Variants in CPQ observed in about 807,000 individuals in gnomAD.
The protein encoded by CPQ is Ser-Met dipeptidase.
CPQ carries 37 observed loss-of-function variants against 45.7 expected under a neutral mutation model. The observed-to-expected ratio is 0.81, with a 90% CI of 0.62 to 1.07. The LOEUF (loss-of-function observed/expected upper bound fraction) is 1.07, where lower values mean the gene tolerates loss of function less well. Among genes scored for constraint, CPQ ranks in the 50% least tolerant of loss-of-function variants. CPQ has a pLI of 0.00. For missense variants in CPQ, 537 were observed against 572.9 expected (o/e 0.94, Z 0.64); for synonymous variants, 186 against 205.8 (o/e 0.90, Z 0.82).
intron 3 of CPQ, among the ~76,000 whole-genome samples, chr8:96,872,156 G>T (rs953252273): frequency 3.3e-5 from 5 of 151,902 alleles, no homozygotes; most frequent in South Asian, 2.1e-4. Flanking sequence ...TACATAATGA[G>T]ATATCACAGG....
chr8:96,976,518 C>T (rs1394853477), intron 5 of CPQ, among the ~76,000 whole-genome samples: 1 of 151,848 alleles, frequency 6.6e-6, no homozygotes, highest in African/African-American at 2.4e-5. Context: ...TAATATGGAA[C>T]CAAAAAAGAG....
intron 1 of CPQ, among the ~76,000 whole-genome samples, chr8:96,747,451 C>T (rs1043152463): frequency 2.0e-5 from 3 of 152,000 alleles, no homozygotes; most frequent in African/African-American, 4.8e-5. Flanking sequence ...AACCTGAGCA[C>T]GTGAGACCAA....
chr8:96,785,190 A>T lies in CPQ; in HGVS notation c.293A>T (p.Asp98Val). The change falls in exon 2 of 8, where the codon GAT (aspartate) becomes GTT (valine). Residue 98 changes from aspartate to valine, a missense_variant. By Grantham distance (152) the Asp-to-Val change is radical (BLOSUM62 -3). Coordinates refer to ENST00000220763, the MANE Select transcript of CPQ (RefSeq NM_016134.4). Reference protein sequence around the residue: ...IQIMYQNLQQDGLEKVHLEPV... With the variant: ...IQIMYQNLQQVGLEKVHLEPV... Reference sequence around the variant, plus strand: ...ATTATGTACCAAAACCTGCAGCAAGATGGGCTGGAGAAAGTTCACCTGGAG... The same window carrying T: ...ATTATGTACCAAAACCTGCAGCAAGTTGGGCTGGAGAAAGTTCACCTGGAG... 4 of 1,613,634 alleles carry T rather than the reference A, an allele frequency of 2.5e-6. No homozygotes were observed. The highest frequency in any genetic ancestry group is 3.4e-6 in the Non-Finnish European group (4 of 1,179,784).
intron 6 of CPQ, among the ~76,000 whole-genome samples, chr8:97,034,920 G>A (rs985980397): frequency 2.7e-5 from 4 of 145,666 alleles, no homozygotes; most frequent in East Asian, 2.0e-4. Context: ...AGATGGAGTC[G>A]TGCTCTGTCC....
chr8:97,137,887 C>CAAA (rs34317563), intron 7 of CPQ, among the ~76,000 whole-genome samples: 1 of 142,036 alleles, frequency 7.0e-6, no homozygotes, highest in African/African-American at 2.6e-5. Context: ...GACTCCGTCT[C>CAAA]AAAAAAAAAA....
intron 1 of CPQ, among the ~76,000 whole-genome samples, chr8:96,686,754 C>G (rs1409128527): frequency 1.3e-5 from 2 of 151,834 alleles, no homozygotes; most frequent in Admixed American, 1.3e-4. Context: ...CTTTGAATGG[C>G]ATTAAAGTTA....
chr8:97,009,292 G>A (rs1478707137), intron 5 of CPQ, among the ~76,000 whole-genome samples: 1 of 152,164 alleles, frequency 6.6e-6, no homozygotes, highest in Non-Finnish European at 1.5e-5. Context: ...TTTCCTCTCG[G>A]TATTCTTTAA....
At chr8:97,123,651 C>T (rs1205491089) in intron 7 of CPQ, among the ~76,000 whole-genome samples, 3 of 151,856 alleles carry the variant, frequency 2.0e-5, no homozygotes, top group Non-Finnish European at 4.4e-5. Flanking sequence ...TGATATAATA[C>T]AAACTCAATA....
intron 3 of CPQ, among the ~76,000 whole-genome samples, chr8:96,876,869 A>C (rs1812151340): frequency 6.6e-6 from 1 of 151,708 alleles, no homozygotes; most frequent in African/African-American, 2.4e-5. Context: ...TTTATAAGGG[A>C]TTTTTGGTCT....
intron 3 of CPQ, among the ~76,000 whole-genome samples, chr8:96,857,597 T>A (rs954606977): frequency 2.6e-4 from 39 of 152,216 alleles, no homozygotes; most frequent in Middle Eastern, 3.2e-3. Flanking sequence ...AGTCATTCTT[T>A]TACAACTGCT....
At chr8:96,721,318 G>A (rs1169048387) in intron 1 of CPQ, among the ~76,000 whole-genome samples, 1 of 151,760 alleles carries the variant, frequency 6.6e-6, no homozygotes, top group Non-Finnish European at 1.5e-5. Flanking sequence ...TGGGAAATTG[G>A]GATTACTTTG....
intron 7 of CPQ, among the ~76,000 whole-genome samples, chr8:97,135,372 T>C (rs1278735428): frequency 6.6e-6 from 1 of 152,148 alleles, no homozygotes; most frequent in Non-Finnish European, 1.5e-5. Context: ...AGGAAGCTGC[T>C]AATGAACTGC....
intron 6 of CPQ, among the ~76,000 whole-genome samples, chr8:97,047,245 C>T (rs937482851): frequency 1.3e-5 from 2 of 152,156 alleles, no homozygotes; most frequent in African/African-American, 4.8e-5. Context: ...GAAGAATGTA[C>T]CCAAGTTTGC....
chr8:96,951,907 T>C (rs1320890291), intron 4 of CPQ, among the ~76,000 whole-genome samples: 4 of 151,944 alleles, frequency 2.6e-5, no homozygotes, highest in Non-Finnish European at 5.9e-5. Context: ...TAATCAGTAA[T>C]GGAAACAATT....
chr8:97,079,765 A>T (rs1338778892), intron 7 of CPQ, among the ~76,000 whole-genome samples: 1 of 152,172 alleles, frequency 6.6e-6, no homozygotes, highest in Non-Finnish European at 1.5e-5. Flanking sequence ...AATGTGCTGG[A>T]TGTAGAGGGA....
intron 2 of CPQ, among the ~76,000 whole-genome samples, chr8:96,786,234 AT>A (rs1176833474): frequency 6.6e-6 from 1 of 151,968 alleles, no homozygotes; most frequent in African/African-American, 2.4e-5. Flanking sequence ...GTCTTTATGG[AT>A]TTGCTTATTC....
chr8:96,915,955 G>T (rs564636212), intron 4 of CPQ, among the ~76,000 whole-genome samples: 1 of 152,078 alleles, frequency 6.6e-6, no homozygotes, highest in African/African-American at 2.4e-5. Context: ...TTCAGTTGAG[G>T]CTATCCAGAT....
intron 7 of CPQ, among the ~76,000 whole-genome samples, chr8:97,084,690 G>A (rs73268745): frequency 0.032 from 4,829 of 152,222 alleles, 249 homozygotes; most frequent in African/African-American, 0.11. Context: ...CATTTACAAA[G>A]TGTGTACTTT....
At chr8:96,900,826 C>G (rs1330860481) in intron 4 of CPQ, among the ~76,000 whole-genome samples, 1 of 152,168 alleles carries the variant, frequency 6.6e-6, no homozygotes, top group Non-Finnish European at 1.5e-5. Flanking sequence ...TGCTCCCTAT[C>G]TGAAAAGTCT....
Sources: allele counts gnomAD v4.1 joint callset (sites outside exome capture counted in the v4.1 genomes callset), GRCh38; gene constraint gnomAD v4.1.1; transcripts MANE v1.5; gene names NCBI Gene and HGNC (gene_info 2026-07-23, HGNC 2026-07-21).